The following JAK1 variants were observed in gnomAD, a reference collection of about 807,000 sequenced individuals.
JAK1 encodes tyrosine-protein kinase JAK1.
In JAK1, 16 loss-of-function variants were observed where a neutral mutation model predicts 136.6. That is an observed-to-expected ratio of 0.12 (90% CI 0.08 to 0.18). JAK1 has a LOEUF of 0.18. Among genes scored for constraint, JAK1 ranks in the 10% least tolerant of loss-of-function variants. The pLI is 1.00. For synonymous variants in JAK1, 492 were observed against 519.5 expected (o/e 0.95, Z 0.72); for missense variants, 859 against 1,450.1 (o/e 0.59, Z 6.62).
At chr1:65,042,266 G>A (rs765286001) in intron 2 of JAK1, among the ~76,000 whole-genome samples, 11 of 152,062 alleles carry the variant, frequency 7.2e-5, no homozygotes, top group Admixed American at 2.0e-4. Context: ...ATATTATCCC[G>A]TTTATTATCA....
chr1:64,965,997 G>A (rs1179004792), intron 1 of JAK1, among the ~76,000 whole-genome samples: 1 of 151,932 alleles, frequency 6.6e-6, no homozygotes, highest in East Asian at 1.9e-4. Flanking sequence ...TCTCGGGGTG[G>A]TATAAACAGG....
chr1:64,886,767 C>A (rs915688886), intron 1 of JAK1, among the ~76,000 whole-genome samples: 3 of 145,794 alleles, frequency 2.1e-5, no homozygotes, highest in Admixed American at 6.9e-5. Flanking sequence ...CACACACACA[C>A]ACACACACAC....
intron 2 of JAK1, among the ~76,000 whole-genome samples, chr1:64,994,833 A>G (rs1047959090): frequency 6.6e-6 from 1 of 152,134 alleles, no homozygotes; most frequent in African/African-American, 2.4e-5. Context: ...ACACTGGACA[A>G]GAAACTTCAA....
In JAK1 at chr1:65,000,571, T is replaced by C. The variant is rs138164242; in HGVS notation, c.-78+43909A>G. Among the ~76,000 whole-genome samples the C allele has an allele frequency of 6.6e-5, 10 of 152,098 alleles. No homozygotes were observed. The East Asian group carries it at 1.9e-3, about 29-fold the overall frequency. On this transcript the variant is annotated intron_variant, in intron 2 of 25. Coordinates refer to the JAK1 transcript ENST00000671954. ...TAAATAGCAATACTTCCGGACACAA[T>C]TTTTAAGTTATTCAATAGGGCTTTG...
intron 1 of JAK1, among the ~76,000 whole-genome samples, chr1:64,951,186 C>G (rs1477257151): frequency 6.6e-6 from 1 of 152,192 alleles, no homozygotes; most frequent in African/African-American, 2.4e-5. Flanking sequence ...CGTTTGACTG[C>G]TTTGCTTTCT....
chr1:64,847,014 A>G (rs1655277930), intron 13 of JAK1: 3 of 516,302 alleles, frequency 5.8e-6, no homozygotes, highest in Middle Eastern at 5.2e-4. Context: ...CCCACTGGAT[A>G]CTCATGCCCA....
chr1:64,936,449 C>T (rs1406047247), intron 1 of JAK1, among the ~76,000 whole-genome samples: 1 of 152,200 alleles, frequency 6.6e-6, no homozygotes, highest in Non-Finnish European at 1.5e-5. Flanking sequence ...ACCTCTAAGA[C>T]TCTTGTATTG....
At chr1:65,060,902 C>T (rs1647763252) in intron 1 of JAK1, among the ~76,000 whole-genome samples, 1 of 152,110 alleles carries the variant, frequency 6.6e-6, no homozygotes, top group Non-Finnish European at 1.5e-5. Flanking sequence ...CAAGTGACTA[C>T]AGGTACTCAT....
rs189784654 is a variant in JAK1, at chr1:64,951,483, T to C, written c.-78+14850A>G. On this transcript the variant is annotated intron_variant, in intron 1 of 24. Coordinates refer to ENST00000342505, the MANE Select transcript of JAK1 (RefSeq NM_002227.4). ...CAAACACAATGGCAGTGGTTCAGTG[T>C]ACAAAGGTCAGCAACAGTGAGGACA... 3.4e-3 allele frequency among the ~76,000 whole-genome samples: 524 copies of C among 152,298 alleles called. 3 individuals carry two copies. Among genetic ancestry groups the C allele is most frequent in the Middle Eastern group, 6.8e-3 (2 of 294 alleles).
intron 1 of JAK1, among the ~76,000 whole-genome samples, chr1:64,953,279 C>A (rs1005339856): frequency 6.7e-6 from 1 of 149,906 alleles, no homozygotes; most frequent in African/African-American, 2.5e-5. Flanking sequence ...GGTTCTACCT[C>A]ATTTAAGCTT....
rs141396305 is a variant in JAK1 at position 64,911,503 on chromosome 1, G to A, written c.-77-25162C>T. On this transcript the variant is annotated intron_variant, in intron 1 of 24. Coordinates refer to ENST00000342505, the MANE Select transcript of JAK1 (RefSeq NM_002227.4). ...GATAGAGGCCAATAACATTGTCTCC[G>A]TTTTACAGATATGTAAATACATGCC... 2.1e-3 allele frequency among the ~76,000 whole-genome samples: 321 copies of A among 152,262 alleles called. 2 individuals carry two copies. Among genetic ancestry groups the A allele is most frequent in the Middle Eastern group, 0.01 (3 of 294 alleles).
intron 2 of JAK1, among the ~76,000 whole-genome samples, chr1:65,038,780 AG>A (rs1488949874): frequency 6.6e-6 from 1 of 152,152 alleles, no homozygotes; most frequent in Non-Finnish European, 1.5e-5. Context: ...CTGGGATTAC[AG>A]GTGCCCACCA....
intron 7 of JAK1, among the ~76,000 whole-genome samples, chr1:64,865,403 A>G (rs913956370): frequency 6.6e-6 from 1 of 152,206 alleles, no homozygotes; most frequent in South Asian, 2.1e-4. Flanking sequence ...TGACTTTGTA[A>G]CAGTACTCAA....
intron 17 of JAK1, among the ~76,000 whole-genome samples, chr1:64,842,962 T>G (rs1270414623): frequency 6.6e-6 from 1 of 152,094 alleles, no homozygotes; most frequent in Admixed American, 6.5e-5. Flanking sequence ...GGGCTCCCAT[T>G]GCTGAGAGAC....
intron 2 of JAK1, chr1:65,002,431 C>T (rs1185921773): frequency 6.6e-6 from 1 of 152,218 alleles, no homozygotes; most frequent in Non-Finnish European, 1.5e-5. Context: ...CGCAGCTCTG[C>T]CTTCTGTTTG....
At chr1:64,839,057 A>C (rs1420765443) in intron 20 of JAK1, among the ~76,000 whole-genome samples, 1 of 147,968 alleles carries the variant, frequency 6.8e-6, no homozygotes, top group African/African-American at 2.5e-5. Flanking sequence ...GAGGCAGGAG[A>C]ATGGCGTGAA....
At chr1:64,974,509 C>A (rs1044789396) in intron 2 of JAK1, 3 of 152,194 alleles carry the variant, frequency 2.0e-5, no homozygotes, top group Non-Finnish European at 4.4e-5. Context: ...ATAAACTAAC[C>A]ATCCCTACCA....
chr1:64,850,531 C>A (rs2101028267), intron 12 of JAK1, among the ~76,000 whole-genome samples: 1 of 152,372 alleles, frequency 6.6e-6, no homozygotes, highest in African/African-American at 2.4e-5. Context: ...CCTGCCACCC[C>A]TTCAGCTCAC....
intron 2 of JAK1, among the ~76,000 whole-genome samples, chr1:65,005,379 A>G (rs776500270): frequency 6.6e-6 from 1 of 151,998 alleles, no homozygotes; most frequent in African/African-American, 2.4e-5. Flanking sequence ...TGTGGTTATT[A>G]GAGGCTGGGA....
Sources: allele counts gnomAD v4.1 joint callset (sites outside exome capture counted in the v4.1 genomes callset), GRCh38; gene constraint gnomAD v4.1.1; transcripts MANE v1.5; gene names NCBI Gene and HGNC (gene_info 2026-07-23, HGNC 2026-07-21).